ZDHHC13: variants seen among roughly 807,000 people sequenced by gnomAD.
ZDHHC13 encodes zDHHC palmitoyltransferase 13, also known as palmitoyltransferase ZDHHC13.
ZDHHC13 carries 85 observed loss-of-function variants against 86.0 expected under a neutral mutation model. The observed-to-expected ratio is 0.99, with a 90% CI of 0.83 to 1.18. The LOEUF (loss-of-function observed/expected upper bound fraction) is 1.18, where lower values mean the gene tolerates loss of function less well. Among genes scored for constraint, ZDHHC13 ranks in the 50% most tolerant of loss-of-function variants. The pLI is 0.00. For synonymous variants in ZDHHC13, 263 were observed against 246.4 expected, an observed-to-expected ratio of 1.07 and a Z score of -0.63; for missense variants, 711 against 730.2, an observed-to-expected ratio of 0.97 and a Z score of 0.30.
intron 1 of ZDHHC13, among the ~76,000 whole-genome samples, chr11:19,128,684 G>A (rs973571927): frequency 6.6e-6 from 1 of 152,138 alleles, no homozygotes. Flanking sequence ...TCTCAATTGT[G>A]TATTCATCCT....
Position 19,174,861 on chromosome 11 carries a change from A to G in ZDHHC13, c.1731-961A>G, listed in dbSNP as rs34811457. On this transcript the variant is annotated intron_variant, in intron 16 of 16. Transcript: ENST00000446113. ...AGAGCCAGAGTAGCTGGAGCAGGAG[A>G]TTTATAAAGATGCACAGAGGAGCTA... Among the ~76,000 whole-genome samples, 790 of 152,268 alleles carry G rather than the reference A, an allele frequency of 5.2e-3. 6 individuals carry two copies. Among genetic ancestry groups the G allele is most frequent in the Non-Finnish European group, 9.5e-3 (649 of 68,012 alleles).
At chr11:19,135,543 G>T (rs546514386) in intron 1 of ZDHHC13, among the ~76,000 whole-genome samples, 1 of 152,210 alleles carries the variant, frequency 6.6e-6, no homozygotes, top group Non-Finnish European at 1.5e-5. Context: ...CAAAGCAGCC[G>T]GGAAGCTCGA....
chr11:19,138,705 C>T (rs2133389826), intron 1 of ZDHHC13, among the ~76,000 whole-genome samples: 1 of 151,420 alleles, frequency 6.6e-6, no homozygotes, highest in African/African-American at 2.4e-5. Flanking sequence ...CATCAAAAAG[C>T]TTATCCACCA....
chr11:19,152,950 G>A (rs1849653639), intron 8 of ZDHHC13, among the ~76,000 whole-genome samples: 2 of 152,172 alleles, frequency 1.3e-5, no homozygotes, highest in Middle Eastern at 3.4e-3. Flanking sequence ...TTTAATGAAT[G>A]TATTGAAATG....
At chr11:19,125,452 C>A (rs1848853092) in intron 1 of ZDHHC13, among the ~76,000 whole-genome samples, 1 of 152,180 alleles carries the variant, frequency 6.6e-6, no homozygotes, top group African/African-American at 2.4e-5. Flanking sequence ...ATTAGACTGA[C>A]AATCCCAAGT....
chr11:19,161,826 C>T (rs992337177), intron 10 of ZDHHC13, among the ~76,000 whole-genome samples: 3 of 152,036 alleles, frequency 2.0e-5, no homozygotes, highest in Non-Finnish European at 4.4e-5. Flanking sequence ...TGCAAAGGAA[C>T]GAGGCGCTGT....
intron 1 of ZDHHC13, among the ~76,000 whole-genome samples, chr11:19,126,795 C>A (rs992491728): frequency 1.3e-5 from 2 of 152,094 alleles, no homozygotes; most frequent in African/African-American, 4.8e-5. Context: ...TGATCTCATT[C>A]TTTTTTATGG....
chr11:19,142,847 G>T, intron 1 of ZDHHC13, 131 bp from the exon 2 acceptor site: 2 of 1,000,620 alleles, frequency 2.0e-6, no homozygotes, highest in Admixed American at 6.0e-5. Flanking sequence ...TCATTCTCAG[G>T]ATACACTTCT....
At position 19,152,790 on chromosome 11, in the gene ZDHHC13, A is replaced by G. The variant is rs566769941; in HGVS notation, c.873+106A>G. ...AACCAGAGAGTTGGCTTTTTGCTGC[A>G]TTATATCTGCTGACTATATCTTTCC... is the stretch of plus-strand genomic sequence containing the variant. On this transcript the variant is annotated intron_variant, in intron 8 of 16. Transcript: ENST00000446113. 6.1e-5 allele frequency: 94 copies of G among 1,534,774 alleles called. No individual in the cohort carries two copies. The African/African-American group carries it at 7.7e-4, about 13-fold the overall frequency.
rs1590074711 is a variant in ZDHHC13 at position 19,146,177 on chromosome 11, TGAGATACGGAA to T, written c.174-3_181del. ...CAATTATGCTTTTTTTTTTCTTCTT[TGAGATACGGAA>T]TTTTTGAACGATGTAAAGAGTTGGT... On this transcript the variant is annotated splice_acceptor_variant and splice_polypyrimidine_tract_variant and coding_sequence_variant and intron_variant, in exon 3 of 17. Coordinates refer to ENST00000446113, the MANE Select transcript of ZDHHC13 (RefSeq NM_019028.3). LOFTEE classifies it high-confidence loss of function. 6.4e-7 allele frequency: 1 copy of T among 1,574,192 alleles called. No individual in the cohort carries two copies. The highest frequency in any genetic ancestry group is 8.6e-7 in the Non-Finnish European group (1 of 1,163,230).
chr11:19,162,867 T>G (rs916893498), intron 10 of ZDHHC13, among the ~76,000 whole-genome samples: 17 of 152,196 alleles, frequency 1.1e-4, no homozygotes, highest in Non-Finnish European at 1.9e-4. Flanking sequence ...AATAGTGTCT[T>G]TCTGCAAACA....
At chr11:19,132,109 T>C (rs1375708796) in intron 1 of ZDHHC13, among the ~76,000 whole-genome samples, 1 of 152,238 alleles carries the variant, frequency 6.6e-6, no homozygotes, top group Non-Finnish European at 1.5e-5. Flanking sequence ...ATCGCATTTT[T>C]CTTGCTTCTT....
intron 10 of ZDHHC13, 86 bp downstream of exon 10, chr11:19,159,126 A>G: frequency 2.2e-6 from 2 of 917,026 alleles, no homozygotes; most frequent in South Asian, 3.6e-5. Context: ...GTATTGGAAA[A>G]GGCCCAGGGA....
At chr11:19,168,761 CCTT>C (rs1850140767) in intron 14 of ZDHHC13, 2 of 976,398 alleles carry the variant, frequency 2.0e-6, no homozygotes, top group African/African-American at 3.5e-5. Context: ...TCTATACTCT[CCTT>C]CTCATGTGAT....
At chr11:19,170,733 G>A (rs1850199918) in intron 15 of ZDHHC13, among the ~76,000 whole-genome samples, 165 bp downstream of exon 15, 1 of 152,144 alleles carries the variant, frequency 6.6e-6, no homozygotes, top group South Asian at 2.1e-4. Context: ...CAGGTATTTT[G>A]TCTGTAAAAT....
intron 6 of ZDHHC13, among the ~76,000 whole-genome samples, chr11:19,151,444 G>A (rs1051734492): frequency 5.3e-5 from 8 of 151,986 alleles, no homozygotes; most frequent in Non-Finnish European, 1.2e-4. Flanking sequence ...TCTAGGAACT[G>A]TGTTAGTTCT....
chr11:19,123,338 G>T (rs1848796653), intron 1 of ZDHHC13, among the ~76,000 whole-genome samples: 1 of 152,100 alleles, frequency 6.6e-6, no homozygotes, highest in South Asian at 2.1e-4. Context: ...TATAAACAAA[G>T]GGTCAGGGTG....
chr11:19,144,628 G>GAC (rs1038352813), intron 2 of ZDHHC13, among the ~76,000 whole-genome samples: 2 of 151,984 alleles, frequency 1.3e-5, no homozygotes, highest in Non-Finnish European at 1.5e-5. Flanking sequence ...ATGCCAAAAA[G>GAC]ACACACACAC....
intron 1 of ZDHHC13, among the ~76,000 whole-genome samples, chr11:19,130,604 A>G (rs1333030022): frequency 6.6e-6 from 1 of 151,942 alleles, no homozygotes; most frequent in African/African-American, 2.4e-5. Context: ...TTCGAGTTTA[A>G]TTTTCTTTCT....
Sources: gnomAD v4.1 joint callset for allele counts (sites outside exome capture counted in the v4.1 genomes callset) on GRCh38, gnomAD v4.1.1 for gene constraint, MANE v1.5 for transcripts, NCBI Gene and HGNC (gene_info 2026-07-23, HGNC 2026-07-21) for gene names.